Variants in CCDC66 observed in about 807,000 individuals in gnomAD.
CCDC66 encodes coiled-coil domain containing 66.
Under a neutral mutation model 128.3 loss-of-function variants are expected in CCDC66, and 133 were observed. The ratio of observed to expected loss-of-function variants is 1.04; its 90% confidence interval spans 0.90 to 1.20. CCDC66 has a LOEUF of 1.20. CCDC66 is among the 50% of genes most tolerant of loss of function. CCDC66 has a pLI of 0.00. For synonymous variants in CCDC66, 387 were observed against 357.0 expected (o/e 1.08, Z -0.95); for missense variants, 1,126 against 1,075.5 (o/e 1.05, Z -0.66).
rs1001670668 is a variant in CCDC66, at chr3:56,618,032, A to C, written c.2338-140A>C. 3 of 704,582 alleles carry C rather than the reference A, an allele frequency of 4.3e-6. No homozygotes were observed. In the South Asian group the frequency reaches 5.0e-5, roughly 12 times the overall value. 43.6% of individuals were successfully genotyped at this position (704,582 alleles called of 1,614,324 possible). A position where few individuals can be genotyped will look rare whatever the true frequency, so the allele number is the denominator to read the frequency against. ...ATTAGTTTTGACTCTGGAAAAAACTATATCTATTCCATTGCTCAGTCAGTA... is the reference window on the plus strand; with the variant it reads ...ATTAGTTTTGACTCTGGAAAAAACTCTATCTATTCCATTGCTCAGTCAGTA... On this transcript the variant is annotated intron_variant, in intron 14 of 17. Transcript: ENST00000394672.
Position 56,618,230 on chromosome 3 carries a change from T to A in CCDC66, c.2378+18T>A, listed in dbSNP as rs778645806. ...AAGGAAAGGTAAGTATGCATCAGATTAATTCCGCAGCTACTTAATGCTTTC... is the reference window on the plus strand; with the variant it reads ...AAGGAAAGGTAAGTATGCATCAGATAAATTCCGCAGCTACTTAATGCTTTC... On this transcript the variant is annotated intron_variant, in intron 15 of 17. Coordinates refer to ENST00000394672, the MANE Select transcript of CCDC66 (RefSeq NM_001141947.3). The A allele has an allele frequency of 2.7e-5, 43 of 1,607,394 alleles. No homozygotes were observed. The highest frequency in any genetic ancestry group is 3.4e-5 in the Non-Finnish European group (40 of 1,174,376).
At chr3:56,603,599 A>G (rs9821740) in intron 10 of CCDC66, among the ~76,000 whole-genome samples, 2,054 of 152,132 alleles carry the variant, frequency 0.014, 65 homozygotes, top group African/African-American at 0.046. Flanking sequence ...AGCGGTTTTG[A>G]GTGAGTTTCT....
intron 7 of CCDC66, among the ~76,000 whole-genome samples, chr3:56,577,235 T>C (rs1482665736): frequency 6.6e-6 from 1 of 151,918 alleles, no homozygotes; most frequent in Non-Finnish European, 1.5e-5. Flanking sequence ...GAGAAGTGTC[T>C]GTTCATATCC....
At position 56,558,397 on chromosome 3, in the gene CCDC66, C is replaced by T. The variant is rs368145145; in HGVS notation, c.12-449C>T. ...TTGAAAGTGGTACTCTTTGCTCAAGCAGTTACTAACCTTGATGGCATTGTT... is the reference window on the plus strand; with the variant it reads ...TTGAAAGTGGTACTCTTTGCTCAAGTAGTTACTAACCTTGATGGCATTGTT... On this transcript the variant is annotated intron_variant, in intron 1 of 17. Transcript: ENST00000394672. 3.3e-5 allele frequency among the ~76,000 whole-genome samples: 5 copies of T among 152,224 alleles called. No individual in the cohort carries two copies. In the East Asian group the frequency reaches 5.8e-4, roughly 18 times the overall value.
At chr3:56,572,404 A>T (rs754454508) in intron 7 of CCDC66, 12 of 1,288,834 alleles carry the variant, frequency 9.3e-6, no homozygotes, top group Non-Finnish European at 2.0e-6. Context: ...GGCATTCACA[A>T]CTTAGAGCTA....
At chr3:56,557,299 G>A in intron 1 of CCDC66, 46 bp downstream of exon 1, 1 of 1,233,576 alleles carries the variant, frequency 8.1e-7, no homozygotes. Context: ...CAAGGTGGTC[G>A]TCAGCGGAGA....
Position 56,592,970 on chromosome 3 carries a change from G to C in CCDC66, c.937G>C (p.Glu313Gln). 6.2e-7 allele frequency: 1 copy of C among 1,604,102 alleles called. No homozygotes were observed. Among genetic ancestry groups the C allele is most frequent in the Middle Eastern group, 1.7e-4 (1 of 5,760 alleles). Residue 313 changes from glutamate to glutamine, a missense_variant and splice_region_variant, in exon 8 of 18, where the codon GAA (glutamate) becomes CAA (glutamine). By Grantham distance (29) the Glu-to-Gln change is conservative. Coordinates refer to ENST00000394672, the MANE Select transcript of CCDC66 (RefSeq NM_001141947.3). The part of the protein sequence containing the change: ...EKHQILDQSR[E>Q]TVLLEHPFSA... Reference sequence around the variant, plus strand: ...GATGGCTTTTATGGCTGTTGTTTAGGAAACAGTACTGCTGGAGCACCCTTT... The same window carrying C: ...GATGGCTTTTATGGCTGTTGTTTAGCAAACAGTACTGCTGGAGCACCCTTT...
chr3:56,560,367 A>C (rs1200443253), intron 3 of CCDC66, among the ~76,000 whole-genome samples: 1 of 152,136 alleles, frequency 6.6e-6, no homozygotes, highest in Middle Eastern at 3.2e-3. Context: ...CACCATGCCC[A>C]GCTAATTTTT....
At chr3:56,608,498 G>A (rs770460547) in intron 10 of CCDC66, among the ~76,000 whole-genome samples, 11 of 152,056 alleles carry the variant, frequency 7.2e-5, no homozygotes, top group Non-Finnish European at 1.5e-4. Context: ...TTAGTGAGGT[G>A]TTTGGATTTT....
chr3:56,567,057 G>C lies in CCDC66; in HGVS notation c.814+4G>C. 6.2e-7 allele frequency: 1 copy of C among 1,605,094 alleles called. No individual in the cohort carries two copies. The highest frequency in any genetic ancestry group is 8.5e-7 in the Non-Finnish European group (1 of 1,172,080). ...GCCCAGTGGAGGAAAGAGCTAGGTA[G>C]GTAACTTTTATACCTTTATTATAGT... On this transcript the variant is annotated splice_donor_region_variant and intron_variant, in intron 6 of 17. Transcript: ENST00000394672.
chr3:56,613,733 A>T lies in CCDC66; in HGVS notation c.1549A>T (p.Lys517Ter), dbSNP rs1336983856. The change falls in exon 11 of 18, where the codon AAG becomes TAG. Residue 517 changes from lysine to a stop codon, truncating the protein, a stop_gained. Transcript: ENST00000394672. LOFTEE classifies it high-confidence loss of function. ...MQKQYEEDIL[K>*]QKQKEEIMTL... ...GAAACAGTATGAAGAAGACATACTT[A>T]AGCAAAAACAAAAGGAAGTAGGTAC... 6.2e-7 allele frequency: 1 copy of T among 1,606,178 alleles called. No homozygotes were observed. The highest frequency in any genetic ancestry group is 8.5e-7 in the Non-Finnish European group (1 of 1,177,510).
chr3:56,613,502 A>G (rs1016781725), intron 10 of CCDC66, 87 bp from the exon 11 acceptor site: 6 of 1,473,568 alleles, frequency 4.1e-6, no homozygotes, highest in Admixed American at 2.3e-5. Context: ...AGAGGTGAGC[A>G]CTGAATGTAT....
chr3:56,621,570 C>T lies in CCDC66; in HGVS notation c.2799C>T (p.Leu933=), dbSNP rs746377454. 2 of 1,602,602 alleles carry T rather than the reference C, an allele frequency of 1.2e-6. No homozygotes were observed. Among genetic ancestry groups the T allele is most frequent in the Non-Finnish European group, 1.7e-6 (2 of 1,175,104 alleles). The change falls in exon 18 of 18, where the codon CTC becomes CTT. Residue 933 remains leucine (L), a synonymous_variant. Coordinates refer to ENST00000394672, the MANE Select transcript of CCDC66 (RefSeq NM_001141947.3). ...LQKQKELESS[L]LPLAENQEES... is the part of the protein sequence containing the mutation. ...AGCAAAAGGAGTTGGAAAGTAGTCTCCTGCCTTTAGCTGAAAATCAAGAAG... is the reference window on the plus strand; with the variant it reads ...AGCAAAAGGAGTTGGAAAGTAGTCTTCTGCCTTTAGCTGAAAATCAAGAAG...
At chr3:56,581,205 T>G (rs1477728844) in intron 7 of CCDC66, among the ~76,000 whole-genome samples, 10 of 151,906 alleles carry the variant, frequency 6.6e-5, no homozygotes, top group Non-Finnish European at 1.2e-4. Context: ...AATTAGCTAC[T>G]GAAGCTTGTG....
chr3:56,563,444 T>G (rs1031233278), intron 3 of CCDC66: 1 of 418,978 alleles, frequency 2.4e-6, no homozygotes, highest in Admixed American at 3.9e-5. Flanking sequence ...TGACATAAGA[T>G]TCAAAGCTGG....
chr3:56,561,831 C>T (rs1223386559), intron 3 of CCDC66, among the ~76,000 whole-genome samples: 3 of 152,016 alleles, frequency 2.0e-5, no homozygotes, highest in African/African-American at 7.2e-5. Flanking sequence ...TAGTGCTTTT[C>T]TTTATTCCTT....
chr3:56,584,970 C>T (rs1331460048), intron 7 of CCDC66, among the ~76,000 whole-genome samples: 1 of 151,866 alleles, frequency 6.6e-6, no homozygotes, highest in Non-Finnish European at 1.5e-5. Flanking sequence ...CACACGCCTG[C>T]AGTCGCAGGC....
rs564735558 is a variant in CCDC66, at chr3:56,614,282, T to C, written c.1566+532T>C. On this transcript the variant is annotated intron_variant, in intron 11 of 17. Transcript: ENST00000394672. The stretch of plus-strand genomic sequence containing the variant: ...CTGTTGAGGAGGTCAAGATGAATTA[T>C]TACAGCACAAAGCAAATTACCTATG... Among the ~76,000 whole-genome samples, 87 of 152,328 alleles carry C rather than the reference T, an allele frequency of 5.7e-4. No individual in the cohort carries two copies. In the South Asian group the frequency reaches 0.012, roughly 20 times the overall value.
chr3:56,602,636 T>C (rs2073375824), intron 10 of CCDC66, among the ~76,000 whole-genome samples: 1 of 152,062 alleles, frequency 6.6e-6, no homozygotes, highest in Admixed American at 6.5e-5. Context: ...GGCTATTAAT[T>C]ATTGCCTCAA....
Sources: gnomAD v4.1 joint callset for allele counts (sites outside exome capture counted in the v4.1 genomes callset) on GRCh38, gnomAD v4.1.1 for gene constraint, MANE v1.5 for transcripts, NCBI Gene and HGNC (gene_info 2026-07-23, HGNC 2026-07-21) for gene names.